Variants in DSCAM observed in about 807,000 individuals in gnomAD.
The protein encoded by DSCAM is DS cell adhesion molecule.
DSCAM carries 47 observed loss-of-function variants against 217.7 expected under a neutral mutation model. The ratio of observed to expected loss-of-function variants is 0.22; its 90% CI spans 0.17 to 0.28. DSCAM has a LOEUF of 0.28. Ranked by LOEUF, DSCAM falls within the 10% of genes least tolerant of loss-of-function variation. DSCAM has a pLI of 1.00. For synonymous variants in DSCAM, 1,056 were observed against 1,015.3 expected (o/e 1.04, Z -0.76); for missense variants, 2,080 against 2,618.3 (o/e 0.79, Z 4.49).
intron 2 of DSCAM, among the ~76,000 whole-genome samples, chr21:40,702,977 A>G (rs963610163): frequency 6.6e-6 from 1 of 152,204 alleles, no homozygotes; most frequent in African/African-American, 2.4e-5. Flanking sequence ...ACTACCTAAG[A>G]CATTGTTACT....
intron 31 of DSCAM, 100 bp downstream of exon 31, chr21:40,043,978 G>C: frequency 2.5e-6 from 3 of 1,224,272 alleles, no homozygotes; most frequent in South Asian, 1.3e-5. Context: ...ATAAGTAAGA[G>C]GGAGGAAGCC....
At chr21:40,387,536 T>A (rs2075097867) in intron 3 of DSCAM, among the ~76,000 whole-genome samples, 1 of 152,170 alleles carries the variant, frequency 6.6e-6, no homozygotes, top group Non-Finnish European at 1.5e-5. Flanking sequence ...GTGACTTCGC[T>A]TCTAAGGACA....
rs140907678 is a variant in DSCAM, at chr21:40,378,994, G to C, written c.509-9749C>G. Among the ~76,000 whole-genome samples, 167 of 152,220 alleles carry C rather than the reference G, an allele frequency of 1.1e-3. 1 individual carries two copies. Among genetic ancestry groups the C allele is most frequent in the African/African-American group, 3.8e-3 (156 of 41,536 alleles). On this transcript the variant is annotated intron_variant, in intron 3 of 32. Coordinates refer to ENST00000400454, the MANE Select transcript of DSCAM (RefSeq NM_001389.5). ...TCTGCAGTTACATAAAAGACAGTAA[G>C]GTATATGTACACATACCCTGCAGAA...
chr21:40,493,345 G>A (rs1301437967), intron 3 of DSCAM, among the ~76,000 whole-genome samples: 1 of 152,032 alleles, frequency 6.6e-6, no homozygotes, highest in Non-Finnish European at 1.5e-5. Context: ...AGCTCTACAG[G>A]CTGAAAGAAC....
intron 4 of DSCAM, among the ~76,000 whole-genome samples, chr21:40,366,743 A>T (rs985613077): frequency 1.4e-4 from 21 of 152,114 alleles, no homozygotes; most frequent in Non-Finnish European, 2.4e-4. Flanking sequence ...TGAAATGAGT[A>T]TATTTTTCCA....
At chr21:40,325,442 G>T (rs1361950243) in intron 8 of DSCAM, among the ~76,000 whole-genome samples, 1 of 152,100 alleles carries the variant, frequency 6.6e-6, no homozygotes, top group Non-Finnish European at 1.5e-5. Context: ...AAAAAAATAG[G>T]AATGCATCTT....
At chr21:40,305,712 T>C (rs2074066145) in intron 9 of DSCAM, among the ~76,000 whole-genome samples, 1 of 152,084 alleles carries the variant, frequency 6.6e-6, no homozygotes, top group Non-Finnish European at 1.5e-5. Flanking sequence ...CTTTCCCCAT[T>C]GCTTGTTTTT....
chr21:40,086,641 T>C (rs1274555164), intron 22 of DSCAM, among the ~76,000 whole-genome samples: 1 of 152,190 alleles, frequency 6.6e-6, no homozygotes, highest in Non-Finnish European at 1.5e-5. Context: ...GGACAGACCA[T>C]ATCTCACTCA....
At chr21:40,654,478 C>T (rs2090051091) in intron 3 of DSCAM, among the ~76,000 whole-genome samples, 1 of 152,132 alleles carries the variant, frequency 6.6e-6, no homozygotes, top group African/African-American at 2.4e-5. Flanking sequence ...TCACTGCAAA[C>T]CTGGTGGCAC....
intron 11 of DSCAM, among the ~76,000 whole-genome samples, chr21:40,224,554 T>C (rs1029835686): frequency 1.3e-5 from 2 of 152,168 alleles, no homozygotes; most frequent in African/African-American, 4.8e-5. Context: ...GCTTGGGAAA[T>C]GCAGCCTTCT....
chr21:40,087,989 A>G (rs1193093148), intron 21 of DSCAM, among the ~76,000 whole-genome samples: 1 of 152,212 alleles, frequency 6.6e-6, no homozygotes, highest in Non-Finnish European at 1.5e-5. Flanking sequence ...GAGAGGTTCT[A>G]GTGCTACCTC....
At chr21:40,348,678 A>T (rs918178489) in intron 5 of DSCAM, among the ~76,000 whole-genome samples, 5 of 152,226 alleles carry the variant, frequency 3.3e-5, no homozygotes, top group African/African-American at 1.2e-4. Context: ...ATCATACTGC[A>T]TGCAGTTCGT....
chr21:40,397,275 G>A (rs1044417151), intron 3 of DSCAM, among the ~76,000 whole-genome samples: 5 of 111,910 alleles, frequency 4.5e-5, no homozygotes, highest in Non-Finnish European at 1.0e-4. Context: ...GGAGGTGATT[G>A]GATCATGAGG....
At chr21:40,818,622 A>G (rs2091903562) in intron 1 of DSCAM, among the ~76,000 whole-genome samples, 1 of 143,234 alleles carries the variant, frequency 7.0e-6, no homozygotes, top group African/African-American at 2.5e-5. Flanking sequence ...ACGCTTGAGC[A>G]TTTGCTCTTG....
At chr21:40,285,730 T>A (rs4816679) in intron 10 of DSCAM, among the ~76,000 whole-genome samples, 54,784 of 152,078 alleles carry the variant, frequency 0.36, 10,195 homozygotes, top group Admixed American at 0.42. Context: ...TTGTTGTGCA[T>A]GAGGGATCCA....
chr21:40,015,705 G>T (rs907287370), intron 32 of DSCAM, among the ~76,000 whole-genome samples: 2 of 152,116 alleles, frequency 1.3e-5, no homozygotes, highest in Admixed American at 1.3e-4. Context: ...TCAAAGCACT[G>T]GGATTACAGA....
intron 20 of DSCAM, among the ~76,000 whole-genome samples, chr21:40,115,018 G>A (rs1339709862): frequency 6.6e-6 from 1 of 152,178 alleles, no homozygotes; most frequent in Non-Finnish European, 1.5e-5. Context: ...ATTCCTTGGG[G>A]ATCTAGAACT....
intron 5 of DSCAM, among the ~76,000 whole-genome samples, chr21:40,350,512 C>G (rs2123638171): frequency 6.6e-6 from 1 of 152,238 alleles, no homozygotes; most frequent in Admixed American, 6.5e-5. Context: ...TTGTTCCTAA[C>G]TTTTCATCTC....
rs59987844 is a variant in DSCAM, at chr21:40,487,256, CCTCTCTCT to C, written c.509-118019_509-118012del. On this transcript the variant is annotated intron_variant, in intron 3 of 32. Transcript: ENST00000400454. ...AACTCTCTCTCTCTCTCTTTCTCTC[CCTCTCTCT>C]CTCTCTCTCTGTGTGTGTGCATGTG... Among the ~76,000 whole-genome samples the C allele has an allele frequency of 1.1e-4, 16 of 143,786 alleles. 1 individual carries two copies. The South Asian group carries it at 3.4e-3, about 30-fold the overall frequency. 94.3% of individuals were successfully genotyped at this position (143,786 alleles called of 152,430 possible). A position where few individuals can be genotyped will look rare whatever the true frequency, so the allele number is the denominator to read the frequency against.
Sources: gnomAD v4.1 joint callset for allele counts (sites outside exome capture counted in the v4.1 genomes callset) on GRCh38, gnomAD v4.1.1 for gene constraint, MANE v1.5 for transcripts, NCBI Gene and HGNC (gene_info 2026-07-23, HGNC 2026-07-21) for gene names.